KCNQ1: variants seen among roughly 807,000 people sequenced by gnomAD.
KCNQ1 encodes potassium voltage-gated channel subfamily Q member 1.
KCNQ1 carries 49 observed loss-of-function variants against 72.4 expected under a neutral mutation model. That is an observed-to-expected ratio of 0.68 (90% CI 0.54 to 0.86). The LOEUF (loss-of-function observed/expected upper bound fraction) is 0.86. KCNQ1 is among the 40% of genes least tolerant of loss of function. The pLI, the probability that KCNQ1 is intolerant of heterozygous loss-of-function variation, is 0.00. For synonymous variants in KCNQ1, 450 were observed against 412.6 expected (o/e 1.09, Z -1.10); for missense variants, 790 against 945.1 (o/e 0.84, Z 2.15).
chr11:2,585,557 G>A (rs897341720), intron 8 of KCNQ1, among the ~76,000 whole-genome samples: 1 of 152,248 alleles, frequency 6.6e-6, no homozygotes, highest in South Asian at 2.1e-4. Flanking sequence ...AGGCACGGCC[G>A]TGGCCATGCC....
chr11:2,580,813 T>C (rs1848487943), intron 6 of KCNQ1, among the ~76,000 whole-genome samples: 2 of 152,220 alleles, frequency 1.3e-5, no homozygotes, highest in Non-Finnish European at 2.9e-5. Context: ...CCGGACCCAG[T>C]GCTAGGAGGA....
At position 2,536,383 on chromosome 11, in the gene KCNQ1, G is replaced by T. The variant is rs1215069820; in HGVS notation, c.477+8365G>T. On this transcript the variant is annotated intron_variant, in intron 2 of 15. Transcript: ENST00000155840. This position sits in a 1 kb window ranked among gnomAD's most constrained non-coding sequence, Gnocchi z 7.4. ...CCCGAGAGTTATGGAAGGAAGGGAG[G>T]CTGGGGTGGGTGCCCCGAGTGCCTT... 6.6e-6 allele frequency among the ~76,000 whole-genome samples: 1 copy of T among 152,154 alleles called. No homozygotes were observed. The highest frequency in any genetic ancestry group is 1.5e-5 in the Non-Finnish European group (1 of 68,022).
chr11:2,572,675 T>C (rs1366124338), intron 5 of KCNQ1, among the ~76,000 whole-genome samples, 171 bp from the exon 6 acceptor site: 1 of 152,236 alleles, frequency 6.6e-6, no homozygotes, highest in African/African-American at 2.4e-5. Flanking sequence ...ACCCGCCACT[T>C]ACCGGAGTTG....
rs891477107 is a variant in KCNQ1 at position 2,592,487 on chromosome 11, C to T, written c.1393+3633C>T. Among the ~76,000 whole-genome samples the T allele has an allele frequency of 6.6e-6, 1 of 152,184 alleles. No individual in the cohort carries two copies. Among genetic ancestry groups the T allele is most frequent in the Non-Finnish European group, 1.5e-5 (1 of 68,026 alleles). On this transcript the variant is annotated intron_variant, in intron 10 of 15. Transcript: ENST00000155840. This position sits in a 1 kb window ranked among gnomAD's most constrained non-coding sequence, Gnocchi z 5.2. ...CACGCAGCAGGGCCCGCTGCTGCTC[C>T]CTCAACCTTCTGACCTGGGTGGGGA...
chr11:2,596,135 C>T (rs935034844), intron 10 of KCNQ1, among the ~76,000 whole-genome samples: 2 of 152,118 alleles, frequency 1.3e-5, no homozygotes, highest in South Asian at 2.1e-4. Context: ...TGAAATACCA[C>T]GGCCCAATTA....
rs754163106 is a variant in KCNQ1, at chr11:2,768,945, C to T, written c.1590+26C>T. 8 of 1,575,630 alleles carry T rather than the reference C, an allele frequency of 5.1e-6. No homozygotes were observed. The South Asian group carries it at 8.9e-5, about 17-fold the overall frequency. Reference sequence around the variant, plus strand: ...GTAAGCCCTGTGCTGAGCCTTCCTGCCCTCAGCCTGCCCCTCGCAGCCTGA... The same window carrying T: ...GTAAGCCCTGTGCTGAGCCTTCCTGTCCTCAGCCTGCCCCTCGCAGCCTGA... On this transcript the variant is annotated intron_variant, in intron 12 of 15. Transcript: ENST00000155840. This position sits in a 1 kb window ranked among gnomAD's most constrained non-coding sequence, Gnocchi z 6.7.
chr11:2,798,430 G>A (rs138626326), intron 15 of KCNQ1, among the ~76,000 whole-genome samples: 1,750 of 152,192 alleles, frequency 0.011, 10 homozygotes, highest in Middle Eastern at 0.048. Flanking sequence ...ATCCTCAGCC[G>A]TCTGGGGGGC....
intron 11 of KCNQ1, chr11:2,685,130 C>A (rs963943946): frequency 5.3e-5 from 21 of 398,544 alleles, no homozygotes; most frequent in Non-Finnish European, 8.8e-6. Flanking sequence ...ATGGTCAGAG[C>A]TAATCAGGTG....
rs1250211732 is a variant in KCNQ1, at chr11:2,579,170, G to C, written c.922-4265G>C. On this transcript the variant is annotated intron_variant, in intron 6 of 15. Transcript: ENST00000155840. This position sits in a 1 kb window ranked among gnomAD's most constrained non-coding sequence, Gnocchi z 6.0. Reference sequence around the variant, plus strand: ...GGCTGGAGCTCAGGTTTCTGGGCTGGCCTCTGTCCTCCCCTCGAGGCCAGC... The same window carrying C: ...GGCTGGAGCTCAGGTTTCTGGGCTGCCCTCTGTCCTCCCCTCGAGGCCAGC... Among the ~76,000 whole-genome samples the C allele has an allele frequency of 6.6e-6, 1 of 152,196 alleles. No homozygotes were observed. The highest frequency in any genetic ancestry group is 1.5e-5 in the Non-Finnish European group (1 of 68,024).
chr11:2,616,899 T>C (rs1476050301), intron 10 of KCNQ1: 1 of 398,136 alleles, frequency 2.5e-6, no homozygotes, highest in East Asian at 3.6e-5. Flanking sequence ...AGTTGGTTTA[T>C]GGTATTGTTC....
At position 2,498,722 on chromosome 11, in the gene KCNQ1, C is replaced by T. The variant is rs1355682797; in HGVS notation, c.387-29206C>T. 6.6e-6 allele frequency among the ~76,000 whole-genome samples: 1 copy of T among 151,806 alleles called. No individual in the cohort carries two copies. The highest frequency in any genetic ancestry group is 2.4e-5 in the African/African-American group (1 of 41,084). ...TCTGTCTTGCTGGGGTTCCAGGCAC[C>T]ACTGGGGTACAGAAAAAACTCCTGC... On this transcript the variant is annotated intron_variant, in intron 1 of 15. Coordinates refer to ENST00000155840, the MANE Select transcript of KCNQ1 (RefSeq NM_000218.3). This position sits in a 1 kb window ranked among gnomAD's most constrained non-coding sequence, Gnocchi z 4.8.
intron 11 of KCNQ1, among the ~76,000 whole-genome samples, chr11:2,709,609 C>T (rs1401183847): frequency 6.6e-6 from 1 of 152,010 alleles, no homozygotes; most frequent in Non-Finnish European, 1.5e-5. Flanking sequence ...TAAAAGCAAC[C>T]CTGCATTCTT....
At chr11:2,561,811 TCCCCTCCGAGGAGG>T (rs1848171645) in intron 2 of KCNQ1, among the ~76,000 whole-genome samples, 7 of 152,050 alleles carry the variant, frequency 4.6e-5, no homozygotes, top group Admixed American at 3.3e-4. Flanking sequence ...CCAGAAGCCC[TCCCCTCCGAGGAGG>T]TGGGCCTGTT....
chr11:2,458,099 A>G lies in KCNQ1; in HGVS notation c.386+12615A>G, dbSNP rs1387765353. On this transcript the variant is annotated intron_variant, in intron 1 of 15. Coordinates refer to ENST00000155840, the MANE Select transcript of KCNQ1 (RefSeq NM_000218.3). This position sits in a 1 kb window ranked among gnomAD's most constrained non-coding sequence, Gnocchi z 4.6. ...CTAAGCCTGGAGTATTCATCACAGC[A>G]GAAGGCAGGGAAGTTATCAGAGGCC... Among the ~76,000 whole-genome samples, 2 of 152,146 alleles carry G rather than the reference A, an allele frequency of 1.3e-5. No homozygotes were observed. Among genetic ancestry groups the G allele is most frequent in the African/African-American group, 2.4e-5 (1 of 41,438 alleles).
rs1357122545 is a variant in KCNQ1 at position 2,748,459 on chromosome 11, C to G, written c.1515-20385C>G. On this transcript the variant is annotated intron_variant, in intron 11 of 15. Transcript: ENST00000155840. This position sits in a 1 kb window ranked among gnomAD's most constrained non-coding sequence, Gnocchi z 6.2. ...CCTGGGTACCTCCCCAGGCAGGGCC[C>G]TCAGCACCTGATGCCAAACCAGGCT... Among the ~76,000 whole-genome samples, 3 of 152,142 alleles carry G rather than the reference C, an allele frequency of 2.0e-5. No individual in the cohort carries two copies. Among genetic ancestry groups the G allele is most frequent in the African/African-American group, 7.2e-5 (3 of 41,434 alleles).
At chr11:2,805,970 G>T (rs1352444557) in intron 15 of KCNQ1, among the ~76,000 whole-genome samples, 1 of 152,228 alleles carries the variant, frequency 6.6e-6, no homozygotes, top group Non-Finnish European at 1.5e-5. Flanking sequence ...ATTGGAAACA[G>T]ACCGCATGTG....
At position 2,566,493 on chromosome 11, in the gene KCNQ1, C is replaced by T. The variant is rs1379911434; in HGVS notation, c.478-4135C>T. ...TCCTCTGTAAAATGTGAACAGAGGCCACCACCCCCATTATGTGGGTCTGTG... is the reference window on the plus strand; with the variant it reads ...TCCTCTGTAAAATGTGAACAGAGGCTACCACCCCCATTATGTGGGTCTGTG... On this transcript the variant is annotated intron_variant, in intron 2 of 15. Transcript: ENST00000155840. The surrounding 1 kb of genome is among the most constrained non-coding windows in gnomAD (Gnocchi z 6.7). Among the ~76,000 whole-genome samples the T allele has an allele frequency of 1.3e-5, 2 of 152,108 alleles. No individual in the cohort carries two copies. The highest frequency in any genetic ancestry group is 4.8e-5 in the African/African-American group (2 of 41,412).
rs1267664478 is a variant in KCNQ1, at chr11:2,544,359, T to C, written c.477+16341T>C. Among the ~76,000 whole-genome samples, 4 of 147,078 alleles carry C rather than the reference T, an allele frequency of 2.7e-5. No homozygotes were observed. Among genetic ancestry groups the C allele is most frequent in the South Asian group, 2.2e-4 (1 of 4,588 alleles). ...GTGTATGTATATGTATATATATGTG[T>C]ATATATATGTGTATATATATGTGTG... is the stretch of plus-strand genomic sequence containing the variant. On this transcript the variant is annotated intron_variant, in intron 2 of 15. Transcript: ENST00000155840. The surrounding 1 kb of genome is among the most constrained non-coding windows in gnomAD (Gnocchi z 4.4).
chr11:2,655,731 G>A (rs991686562), intron 10 of KCNQ1: 5 of 251,238 alleles, frequency 2.0e-5, no homozygotes, highest in South Asian at 1.8e-4. Flanking sequence ...ACCTGGCTAC[G>A]ACCACAGGTG....
Sources: gnomAD v4.1 joint callset for allele counts (sites outside exome capture counted in the v4.1 genomes callset) on GRCh38, gnomAD v4.1.1 for gene constraint, Gnocchi (gnomAD v3.1) non-coding constraint, MANE v1.5 for transcripts, NCBI Gene and HGNC (gene_info 2026-07-23, HGNC 2026-07-21) for gene names.